The following MS4A4A variants were observed in gnomAD, a reference collection of about 807,000 sequenced individuals.
MS4A4A encodes the protein membrane spanning 4-domains A4A, also known as membrane-spanning 4-domains subfamily A member 4A.
In MS4A4A, 26 loss-of-function variants were observed where a neutral mutation model predicts 28.0. That is an observed-to-expected ratio of 0.93 (90% CI 0.68 to 1.29). MS4A4A has a LOEUF of 1.29. Among genes scored for constraint, MS4A4A ranks in the 50% most tolerant of loss-of-function variants. The probability of loss-of-function intolerance (pLI) is 0.00; values close to 1 mark genes in which losing one functional copy is unlikely to be tolerated. For missense variants in MS4A4A, 290 were observed against 293.1 expected, an observed-to-expected ratio of 0.99 and a Z score of 0.08; for synonymous variants, 86 against 100.8, an observed-to-expected ratio of 0.85 and a Z score of 0.88.
intron 2 of MS4A4A, among the ~76,000 whole-genome samples, chr11:60,296,254 G>A (rs565451328): frequency 3.9e-5 from 6 of 152,052 alleles, no homozygotes; most frequent in African/African-American, 7.2e-5. Flanking sequence ...AACTGTGGGC[G>A]TAGAATTGTT....
chr11:60,281,202 G>C (rs1196960607), intron 1 of MS4A4A, among the ~76,000 whole-genome samples: 1 of 152,150 alleles, frequency 6.6e-6, no homozygotes, highest in Non-Finnish European at 1.5e-5. Context: ...TGTACATTTA[G>C]ATGGGCTGTG....
At chr11:60,293,584 T>C (rs1192367581) in intron 2 of MS4A4A, among the ~76,000 whole-genome samples, 1 of 152,176 alleles carries the variant, frequency 6.6e-6, no homozygotes, top group Non-Finnish European at 1.5e-5. Context: ...TTCTGTGGGT[T>C]TTAACACAAG....
At chr11:60,297,085 A>T in intron 2 of MS4A4A, 112 bp from the exon 3 acceptor site, 1 of 1,291,518 alleles carries the variant, frequency 7.7e-7, no homozygotes, top group Non-Finnish European at 1.1e-6. Flanking sequence ...TAAGAAGGTC[A>T]TATGACTATC....
At chr11:60,285,558 C>A (rs2084796382) in intron 1 of MS4A4A, among the ~76,000 whole-genome samples, 1 of 152,074 alleles carries the variant, frequency 6.6e-6, no homozygotes, top group Non-Finnish European at 1.5e-5. Flanking sequence ...TAAGTGTCAG[C>A]CAGTCTGAGA....
chr11:60,305,029 T>G (rs1195108413), intron 5 of MS4A4A, among the ~76,000 whole-genome samples: 1 of 152,238 alleles, frequency 6.6e-6, no homozygotes, highest in Admixed American at 6.5e-5. Flanking sequence ...CTATTGGCTC[T>G]TCTGCAACAG....
At chr11:60,296,688 T>C (rs1200357846) in intron 2 of MS4A4A, among the ~76,000 whole-genome samples, 1 of 152,176 alleles carries the variant, frequency 6.6e-6, no homozygotes, top group East Asian at 1.9e-4. Flanking sequence ...TCCTTTGGAA[T>C]GCCATGGGAT....
At chr11:60,285,656 C>A (rs989074525) in intron 1 of MS4A4A, among the ~76,000 whole-genome samples, 1 of 152,102 alleles carries the variant, frequency 6.6e-6, no homozygotes, top group Non-Finnish European at 1.5e-5. Context: ...GTGATGCCCC[C>A]GAGCTGCAAA....
Position 60,301,063 on chromosome 11 carries a change from T to G in MS4A4A, c.387+6T>G. On this transcript the variant is annotated splice_donor_region_variant and intron_variant, in intron 4 of 6. Transcript: ENST00000337908. ...TTAGAACTACAAAAGGCCTGGTGAG[T>G]AATATTTTCTTTTTTTGGTATCAAA... is the stretch of plus-strand genomic sequence containing the variant. 1 of 1,579,876 alleles carries G rather than the reference T, an allele frequency of 6.3e-7. No individual in the cohort carries two copies.
chr11:60,307,858 G>A (rs961288865), intron 6 of MS4A4A, among the ~76,000 whole-genome samples: 5 of 152,160 alleles, frequency 3.3e-5, no homozygotes, highest in Non-Finnish European at 5.9e-5. Flanking sequence ...TCATCCACAC[G>A]TAATATTGAT....
chr11:60,293,714 T>C (rs1325323196), intron 2 of MS4A4A, among the ~76,000 whole-genome samples: 1 of 152,230 alleles, frequency 6.6e-6, no homozygotes, highest in Non-Finnish European at 1.5e-5. Flanking sequence ...GTTGGAATTG[T>C]ACAATAGGTG....
At chr11:60,289,306 G>A in intron 1 of MS4A4A, among the ~76,000 whole-genome samples, 1 of 152,062 alleles carries the variant, frequency 6.6e-6, no homozygotes, top group East Asian at 1.9e-4. Flanking sequence ...AGTGTCTCCA[G>A]TAGTAAGATT....
intron 2 of MS4A4A, 84 bp from the exon 3 acceptor site, chr11:60,297,113 G>T: frequency 6.6e-7 from 1 of 1,512,008 alleles, no homozygotes; most frequent in Non-Finnish European, 9.1e-7. Flanking sequence ...GGAGAATAAG[G>T]ATAGCTTAGT....
intron 1 of MS4A4A, among the ~76,000 whole-genome samples, chr11:60,288,287 C>T (rs575038439): frequency 3.9e-5 from 6 of 152,216 alleles, no homozygotes; most frequent in Non-Finnish European, 5.9e-5. Flanking sequence ...TGGTTGCCAT[C>T]GAGATTGACA....
At chr11:60,292,521 C>A in intron 2 of MS4A4A, 137 bp downstream of exon 2, 1 of 837,914 alleles carries the variant, frequency 1.2e-6, no homozygotes, top group Non-Finnish European at 1.7e-6. Flanking sequence ...TTTTCAGGCT[C>A]TTCATCTGAA....
chr11:60,294,507 A>G (rs1278241705), intron 2 of MS4A4A, among the ~76,000 whole-genome samples: 1 of 152,070 alleles, frequency 6.6e-6, no homozygotes, highest in African/African-American at 2.4e-5. Context: ...TGCCTTTGGT[A>G]TCGTATTGAC....
chr11:60,286,904 G>A (rs1435519939), intron 1 of MS4A4A, among the ~76,000 whole-genome samples: 2 of 152,124 alleles, frequency 1.3e-5, no homozygotes, highest in East Asian at 3.9e-4. Flanking sequence ...ATTTACTAGT[G>A]ACATTTTATT....
intron 6 of MS4A4A, among the ~76,000 whole-genome samples, chr11:60,307,028 A>G (rs897903806): frequency 2.6e-5 from 4 of 152,226 alleles, no homozygotes; most frequent in Admixed American, 2.6e-4. Context: ...AGACCAAGAA[A>G]GAAGCTCTAG....
intron 3 of MS4A4A, among the ~76,000 whole-genome samples, chr11:60,298,996 T>G (rs1347130666): frequency 1.3e-5 from 2 of 152,212 alleles, no homozygotes; most frequent in Admixed American, 6.5e-5. Flanking sequence ...TCAGTTCTGT[T>G]TCTGTATATG....
intron 1 of MS4A4A, among the ~76,000 whole-genome samples, chr11:60,284,814 A>G (rs1050575454): frequency 1.3e-5 from 2 of 152,224 alleles, no homozygotes; most frequent in Non-Finnish European, 2.9e-5. Context: ...AAAATAAAAT[A>G]GCAGGCCTTA....
Sources: allele counts gnomAD v4.1 joint callset (sites outside exome capture counted in the v4.1 genomes callset), GRCh38; gene constraint gnomAD v4.1.1; transcripts MANE v1.5; gene names NCBI Gene and HGNC (gene_info 2026-07-23, HGNC 2026-07-21).